PCDHA1: variants seen among roughly 807,000 people sequenced by gnomAD.
The protein encoded by PCDHA1 is protocadherin alpha 1.
In PCDHA1, 42 loss-of-function variants were observed where a neutral mutation model predicts 61.3. The ratio of observed to expected loss-of-function variants is 0.69; its 90% confidence interval spans 0.54 to 0.89. PCDHA1 has a LOEUF of 0.89. Among genes scored for constraint, PCDHA1 ranks in the 40% least tolerant of loss-of-function variants. The pLI is 0.00. For missense variants in PCDHA1, 1,256 were observed against 1,235.3 expected, an observed-to-expected ratio of 1.02 and a Z score of -0.25; for synonymous variants, 610 against 553.8, an observed-to-expected ratio of 1.10 and a Z score of -1.43.
At position 140,851,668 on chromosome 5, in the gene PCDHA1, G is replaced by A. The variant is rs550292349; in HGVS notation, c.2394+62984G>A. 14 of 914,874 alleles carry A rather than the reference G, an allele frequency of 1.5e-5. 2 individuals carry two copies. Among genetic ancestry groups the A allele is most frequent in the Non-Finnish European group, 1.9e-5 (14 of 751,922 alleles). 56.7% of individuals were successfully genotyped at this position (914,874 alleles called of 1,614,324 possible). A position where few individuals can be genotyped will look rare whatever the true frequency, so the allele number is the denominator to read the frequency against. ...TCAAGAAGACATTCTCCTTTTAATT[G>A]AAATTTTCTCCATTCAGTGATAAAA... On this transcript the variant is annotated intron_variant, in intron 1 of 3. Coordinates refer to ENST00000504120, the MANE Select transcript of PCDHA1 (RefSeq NM_018900.4).
intron 1 of PCDHA1, among the ~76,000 whole-genome samples, chr5:140,906,606 G>A (rs2072783004): frequency 6.6e-6 from 1 of 152,208 alleles, no homozygotes; most frequent in Non-Finnish European, 1.5e-5. Context: ...TACTCATTCT[G>A]TATTCCCTTT....
rs1413835554 is a variant in PCDHA1 at position 140,804,863 on chromosome 5, T to C, written c.2394+16179T>C. 8 of 544,984 alleles carry C rather than the reference T, an allele frequency of 1.5e-5. No individual in the cohort carries two copies. The Admixed American group carries it at 1.9e-4, about 13-fold the overall frequency. 33.8% of individuals were successfully genotyped at this position (544,984 alleles called of 1,614,324 possible). The stretch of plus-strand genomic sequence containing the variant: ...AGTGTGGGAGGTCTAACACGTAAAA[T>C]AGATATTTTTCTTGACTCCTCTCCT... On this transcript the variant is annotated intron_variant, in intron 1 of 3. Coordinates refer to ENST00000504120, the MANE Select transcript of PCDHA1 (RefSeq NM_018900.4).
chr5:140,813,034 G>T (rs1554126101), intron 1 of PCDHA1: 1 of 152,154 alleles, frequency 6.6e-6, no homozygotes, highest in African/African-American at 2.4e-5. Flanking sequence ...TCTTGAATTT[G>T]TTAAGACTTG....
intron 1 of PCDHA1, among the ~76,000 whole-genome samples, chr5:140,889,628 TTTTC>T (rs2062304515): frequency 6.6e-6 from 1 of 152,186 alleles, no homozygotes; most frequent in African/African-American, 2.4e-5. Flanking sequence ...ATTTCTCTTC[TTTTC>T]ATTTGTGTTT....
At chr5:140,941,299 TC>T (rs1554214293) in intron 1 of PCDHA1, among the ~76,000 whole-genome samples, 2 of 144,342 alleles carry the variant, frequency 1.4e-5, no homozygotes, top group African/African-American at 2.5e-5. Context: ...TTTCTTTCTT[TC>T]TTTCTTTTTC....
chr5:140,840,358 G>T (rs1180450322), intron 1 of PCDHA1, among the ~76,000 whole-genome samples: 2 of 151,928 alleles, frequency 1.3e-5, no homozygotes, highest in African/African-American at 4.8e-5. Context: ...AGGTAAAAAT[G>T]TCAGGTAGAA....
At chr5:140,901,667 A>G (rs1319008143) in intron 1 of PCDHA1, among the ~76,000 whole-genome samples, 1 of 151,994 alleles carries the variant, frequency 6.6e-6, no homozygotes, top group Non-Finnish European at 1.5e-5. Context: ...TGCTCAAGAT[A>G]CCTTTAGGTA....
chr5:140,967,084 T>G (rs782593106), intron 1 of PCDHA1: 1 of 1,613,270 alleles, frequency 6.2e-7, no homozygotes, highest in Admixed American at 1.7e-5. Context: ...AGCGCATTGA[T>G]CGGGAGGCGC....
At chr5:140,914,290 T>A (rs1412561039) in intron 1 of PCDHA1, among the ~76,000 whole-genome samples, 1 of 152,200 alleles carries the variant, frequency 6.6e-6, no homozygotes, top group Non-Finnish European at 1.5e-5. Context: ...AATTGTTATA[T>A]CCTCTTGCTG....
At chr5:140,861,448 AC>A in intron 1 of PCDHA1, 2 of 493,166 alleles carry the variant, frequency 4.1e-6, no homozygotes, top group Non-Finnish European at 8.3e-6. Context: ...AGCCGCAGAA[AC>A]CTTCTGGAGG....
At chr5:140,866,070 T>C (rs1446078370) in intron 1 of PCDHA1, 1 of 152,178 alleles carries the variant, frequency 6.6e-6, no homozygotes, top group Non-Finnish European at 1.5e-5. Flanking sequence ...CACACTGAGA[T>C]AGGTATTTTG....
chr5:140,852,926 T>C (rs1274481129), intron 1 of PCDHA1: 1 of 649,848 alleles, frequency 1.5e-6, no homozygotes, highest in Non-Finnish European at 2.0e-6. Flanking sequence ...TTGCCCAGGC[T>C]GGAGTGCAGT....
intron 1 of PCDHA1, chr5:140,801,259 T>G (rs1762666214): frequency 3.7e-6 from 6 of 1,613,624 alleles, no homozygotes; most frequent in Non-Finnish European, 5.1e-6. Context: ...CTTCTGCTCC[T>G]CGCAGCCTCG....
chr5:140,917,710 G>T (rs2078316558), intron 1 of PCDHA1, among the ~76,000 whole-genome samples: 3 of 152,132 alleles, frequency 2.0e-5, no homozygotes. Flanking sequence ...TTGTAGGTGT[G>T]CAGCTTTATT....
intron 1 of PCDHA1, chr5:140,797,085 A>T: frequency 6.2e-7 from 1 of 1,613,922 alleles, no homozygotes; most frequent in Non-Finnish European, 8.5e-7. Flanking sequence ...TCTGCGCGGT[A>T]TCCAGCCTGT....
intron 1 of PCDHA1, among the ~76,000 whole-genome samples, chr5:140,837,632 C>CCTTCCTTT (rs562891235): frequency 2.0e-5 from 3 of 151,106 alleles, no homozygotes; most frequent in Non-Finnish European, 4.4e-5. Flanking sequence ...TTCCTTCCTT[C>CCTTCCTTT]CTTTCTTTCT....
intron 1 of PCDHA1, chr5:140,929,973 G>A (rs955255771): frequency 6.6e-6 from 1 of 152,136 alleles, no homozygotes; most frequent in Non-Finnish European, 1.5e-5. Context: ...TTTGGTGAAG[G>A]TGTCTTCTTT....
chr5:140,900,416 T>G (rs1303205296), intron 1 of PCDHA1, among the ~76,000 whole-genome samples: 8 of 152,220 alleles, frequency 5.3e-5, no homozygotes, highest in Admixed American at 5.2e-4. Flanking sequence ...TAGCTGGGAT[T>G]ATAGGCACGT....
chr5:140,835,512 C>A (rs147252917), intron 1 of PCDHA1: 5 of 1,613,916 alleles, frequency 3.1e-6, no homozygotes, highest in Middle Eastern at 1.6e-4. Flanking sequence ...CGTGTTTGAC[C>A]GAGATTTTGG....
Sources: allele counts gnomAD v4.1 joint callset (sites outside exome capture counted in the v4.1 genomes callset), GRCh38; gene constraint gnomAD v4.1.1; transcripts MANE v1.5; gene names NCBI Gene and HGNC (gene_info 2026-07-23, HGNC 2026-07-21).